Variants in PARG observed in about 807,000 individuals in gnomAD.
PARG encodes poly(ADP-ribose) glycohydrolase, also known as mitochondrial poly(ADP-ribose) glycohydrolase.
A neutral mutation model predicts 113.0 loss-of-function variants in PARG; 35 were observed. The ratio of observed to expected loss-of-function variants is 0.31; its 90% CI spans 0.24 to 0.41. PARG has a LOEUF of 0.41. Among genes scored for constraint, PARG ranks in the 10% least tolerant of loss-of-function variants. The pLI is 1.00. For missense variants in PARG, 797 were observed against 1,169.4 expected, an observed-to-expected ratio of 0.68 and a Z score of 4.64; for synonymous variants, 330 against 409.9, an observed-to-expected ratio of 0.81 and a Z score of 2.36.
intron 7 of PARG, among the ~76,000 whole-genome samples, chr10:49,907,342 G>A (rs550549406): frequency 4.9e-4 from 74 of 152,148 alleles, no homozygotes; most frequent in Non-Finnish European, 7.9e-4. Flanking sequence ...ACAATAAATC[G>A]AGGATGAGTA....
In PARG at chr10:49,933,735, C is replaced by T; in HGVS notation, c.713G>A (p.Ser238Asn). 1 of 1,612,416 alleles carries T rather than the reference C, an allele frequency of 6.2e-7. No homozygotes were observed. The highest frequency in any genetic ancestry group is 8.5e-7 in the Non-Finnish European group (1 of 1,178,478). ...AREAKSHQKC[S>N]KSCDPGEDCA... ...GTCTTCCCCAGGATCGCAAGACTTG[C>T]TGCACTTCTGGTGGCTTTTGGCTTC... The change falls in exon 3 of 18, where the codon AGC (serine) becomes AAC (asparagine). Residue 238 changes from serine to asparagine, a missense_variant. This residue lies in a region of PARG where 284 missense variants were observed against 306.1 expected (regional missense o/e 0.93). Coordinates refer to ENST00000616448, the MANE Select transcript of PARG (RefSeq NM_003631.5).
At chr10:49,900,231 A>G (rs1276565883) in intron 7 of PARG, among the ~76,000 whole-genome samples, 1 of 151,248 alleles carries the variant, frequency 6.6e-6, no homozygotes. Flanking sequence ...TCTCACCACA[A>G]CCCTACTTCC....
At chr10:49,889,521 G>T (rs1454054807) in intron 7 of PARG, among the ~76,000 whole-genome samples, 10 of 152,234 alleles carry the variant, frequency 6.6e-5, no homozygotes, top group African/African-American at 1.9e-4. Context: ...TTGGTGCCAT[G>T]TACTCTCCTA....
chr10:49,886,863 T>C (rs2132660368), intron 7 of PARG, among the ~76,000 whole-genome samples: 1 of 152,290 alleles, frequency 6.6e-6, no homozygotes, highest in East Asian at 1.9e-4. Context: ...AATCTGCCTC[T>C]TTAACTCTGT....
chr10:49,940,831 T>G (rs1839009997), intron 1 of PARG, among the ~76,000 whole-genome samples: 1 of 152,128 alleles, frequency 6.6e-6, no homozygotes, highest in Non-Finnish European at 1.5e-5. Context: ...CCGGCCTCGG[T>G]TGCACTCCTG....
chr10:49,906,017 A>G (rs1195453455), intron 7 of PARG, among the ~76,000 whole-genome samples: 22 of 148,660 alleles, frequency 1.5e-4, no homozygotes, highest in Non-Finnish European at 3.1e-4. Flanking sequence ...GAGAGAGGAA[A>G]AGAGGTGTCA....
intron 15 of PARG, among the ~76,000 whole-genome samples, chr10:49,836,833 T>C (rs1263889428): frequency 1.3e-5 from 2 of 152,092 alleles, no homozygotes; most frequent in African/African-American, 2.4e-5. Flanking sequence ...AAAAGGTAAA[T>C]AGGGATGATT....
In PARG at chr10:49,915,972, T is replaced by C; in HGVS notation, c.1682A>G (p.Asn561Ser). 1.3e-6 allele frequency: 2 copies of C among 1,542,404 alleles called. No individual in the cohort carries two copies. The highest frequency in any genetic ancestry group is 8.8e-7 in the Non-Finnish European group (1 of 1,138,016). ...GTCCCATTTCTTAGAATATGCCACA[T>C]TGTATTTCAGAATAGCATCCTGTGG... ...QNLKDAILKY[N>S]VAYSKKWDFT... The change falls in exon 7 of 18, where the codon AAT becomes AGT. Residue 561 changes from asparagine (N) to serine (S), a missense_variant. Around this residue, in one of 5 missense-constraint regions of PARG, gnomAD observed 252 missense variants for 437.4 expected, o/e 0.58. Transcript: ENST00000616448.
At chr10:49,924,265 T>C (rs1554850158) in intron 4 of PARG, among the ~76,000 whole-genome samples, 1 of 151,402 alleles carries the variant, frequency 6.6e-6, no homozygotes, top group African/African-American at 2.4e-5. Context: ...TGTGGCCTTT[T>C]GTGTCTGGCC....
At chr10:49,829,983 T>A (rs1844576364) in intron 16 of PARG, among the ~76,000 whole-genome samples, 1 of 152,206 alleles carries the variant, frequency 6.6e-6, no homozygotes, top group Non-Finnish European at 1.5e-5. Flanking sequence ...TGACTCATTC[T>A]AAATTTTTAA....
At chr10:49,842,149 T>C in intron 14 of PARG, 91 bp from the exon 15 acceptor site, 1 of 816,786 alleles carries the variant, frequency 1.2e-6, no homozygotes, top group Non-Finnish European at 2.0e-6. Context: ...AGACTTTAGC[T>C]CTGTTAAAAT....
intron 4 of PARG, among the ~76,000 whole-genome samples, chr10:49,926,609 T>C (rs1838178813): frequency 2.6e-5 from 4 of 152,196 alleles, no homozygotes; most frequent in African/African-American, 9.6e-5. Flanking sequence ...CTGGAGACAG[T>C]GACACCCACA....
intron 11 of PARG, among the ~76,000 whole-genome samples, chr10:49,863,096 G>C (rs1383407568): frequency 6.6e-6 from 1 of 151,208 alleles, no homozygotes; most frequent in African/African-American, 2.4e-5. Flanking sequence ...TAACTTCCCA[G>C]TAGGTCATCC....
intron 4 of PARG, among the ~76,000 whole-genome samples, chr10:49,930,700 T>TG (rs1200947659): frequency 6.7e-6 from 1 of 149,554 alleles, no homozygotes; most frequent in Non-Finnish European, 1.5e-5. Flanking sequence ...CCCATAACTC[T>TG]GCTCAATGTT....
rs1386336737 is a variant in PARG, at chr10:49,820,155, T to C, written c.2776+10A>G. On this transcript the variant is annotated intron_variant, in intron 17 of 17. Coordinates refer to ENST00000616448, the MANE Select transcript of PARG (RefSeq NM_003631.5). Reference sequence around the variant, plus strand: ...CTAGATACCAAGTGTCAAGAGTATCTCCTACTTACCAACAGTGAGTTTCCT... The same window carrying C: ...CTAGATACCAAGTGTCAAGAGTATCCCCTACTTACCAACAGTGAGTTTCCT... 2 of 1,534,480 alleles carry C rather than the reference T, an allele frequency of 1.3e-6. No individual in the cohort carries two copies. Among genetic ancestry groups the C allele is most frequent in the East Asian group, 4.9e-5 (2 of 40,816 alleles).
chr10:49,920,615 CGT>C (rs563197443), intron 6 of PARG, among the ~76,000 whole-genome samples: 160 of 141,744 alleles, frequency 1.1e-3, no homozygotes, highest in East Asian at 4.5e-3. Flanking sequence ...TACATATATA[CGT>C]ATATATATAC....
intron 16 of PARG, among the ~76,000 whole-genome samples, chr10:49,829,714 C>T (rs1299898166): frequency 4.6e-5 from 7 of 152,042 alleles, no homozygotes; most frequent in Non-Finnish European, 8.8e-5. Flanking sequence ...AATCCTGGCA[C>T]GTAAACAGAT....
chr10:49,914,792 C>T (rs1837377521), intron 7 of PARG, among the ~76,000 whole-genome samples: 2 of 152,294 alleles, frequency 1.3e-5, no homozygotes, highest in African/African-American at 2.4e-5. Flanking sequence ...ACAATCCTTA[C>T]GTCAACTGGT....
In PARG at chr10:49,841,950, C is replaced by T. The variant is rs1554832372; in HGVS notation, c.2541G>A (p.Lys847=). Residue 847 remains lysine, a splice_region_variant and synonymous_variant, in exon 15 of 18, where the codon AAG becomes AAA. Coordinates refer to ENST00000616448, the MANE Select transcript of PARG (RefSeq NM_003631.5). The stretch of plus-strand genomic sequence containing the variant: ...TGAACTAAGAAATAAGGTTACTGGC[C>T]TTGTTCAGCTCGCGTCTCATTTTCT... ...VPEKMRRELN[K]AYCGFLRPGV... 9.1e-6 allele frequency: 14 copies of T among 1,537,660 alleles called. No individual in the cohort carries two copies. In the Admixed American group the frequency reaches 2.2e-4, roughly 24 times the overall value.
Sources: gnomAD v4.1 joint callset for allele counts (sites outside exome capture counted in the v4.1 genomes callset) on GRCh38, gnomAD v4.1.1 for gene constraint, gnomAD v4.1.1 regional missense constraint, MANE v1.5 for transcripts, NCBI Gene and HGNC (gene_info 2026-07-23, HGNC 2026-07-21) for gene names.